CERS4: variants seen among roughly 807,000 people sequenced by gnomAD.
CERS4 encodes ceramide synthase 4.
In CERS4, 65 loss-of-function variants were observed where a neutral mutation model predicts 51.8. The observed-to-expected ratio is 1.26, with a 90% CI of 1.03 to 1.54. The LOEUF is 1.54. Among genes scored for constraint, CERS4 ranks in the 40% most tolerant of loss-of-function variants. The pLI is 0.00. For synonymous variants in CERS4, 228 were observed against 208.4 expected, an observed-to-expected ratio of 1.09 and a Z score of -0.81; for missense variants, 563 against 500.4, an observed-to-expected ratio of 1.13 and a Z score of -1.19.
chr19:8,239,144 G>C (rs975599264), intron 2 of CERS4, among the ~76,000 whole-genome samples: 2 of 151,880 alleles, frequency 1.3e-5, no homozygotes, highest in Non-Finnish European at 2.9e-5. Context: ...GCTCACACCT[G>C]TAATCCCAGC....
chr19:8,244,923 T>TC (rs1968691693), intron 2 of CERS4, among the ~76,000 whole-genome samples: 1 of 151,884 alleles, frequency 6.6e-6, no homozygotes, highest in South Asian at 2.1e-4. Context: ...GACAGGTGGA[T>TC]CACGAGGTCA....
At chr19:8,234,026 G>T (rs1968128914) in intron 2 of CERS4, among the ~76,000 whole-genome samples, 1 of 151,364 alleles carries the variant, frequency 6.6e-6, no homozygotes, top group Admixed American at 6.6e-5. Flanking sequence ...AAGAGAGTCG[G>T]CTGGGCGTGG....
rs554942304 is a variant in CERS4, at chr19:8,244,525, C to T, written c.-1-6551C>T. Among the ~76,000 whole-genome samples, 9 of 152,248 alleles carry T rather than the reference C, an allele frequency of 5.9e-5. 1 individual carries two copies. The highest frequency in any genetic ancestry group is 2.2e-4 in the African/African-American group (9 of 41,550). On this transcript the variant is annotated intron_variant, in intron 2 of 11. Coordinates refer to ENST00000251363, the MANE Select transcript of CERS4 (RefSeq NM_024552.3). ...CTCCCAACCCTTCTCTTTTCTGGCT[C>T]CACTTTGGAAAGCATTTGGCTCTTG...
At chr19:8,246,627 C>T (rs1467190359) in intron 2 of CERS4, among the ~76,000 whole-genome samples, 1 of 151,918 alleles carries the variant, frequency 6.6e-6, no homozygotes, top group Admixed American at 6.6e-5. Flanking sequence ...AATATTGAAC[C>T]CTAGTTAATG....
In CERS4 at chr19:8,255,860, G is replaced by A. The variant is rs765031338; in HGVS notation, c.449G>A (p.Gly150Asp). Reference protein sequence around the residue: ...FLFYLSSFVGGLSVLYHESWL... With the variant: ...FLFYLSSFVGDLSVLYHESWL... ...TTCTACCTGTCCTCCTTCGTGGGCG[G>A]CCTCTCGGTCCTGTACCACGTGAGT... Residue 150 changes from glycine to aspartate, a missense_variant, in exon 6 of 12, where the codon GGC becomes GAC. Physicochemically the swap from Gly to Asp is moderately conservative, Grantham distance 94. Coordinates refer to ENST00000251363, the MANE Select transcript of CERS4 (RefSeq NM_024552.3). 1 of 1,613,932 alleles carries A rather than the reference G, an allele frequency of 6.2e-7. No individual in the cohort carries two copies. Among genetic ancestry groups the A allele is most frequent in the East Asian group, 2.2e-5 (1 of 44,884 alleles).
At chr19:8,235,012 T>C (rs1228198398) in intron 2 of CERS4, among the ~76,000 whole-genome samples, 2 of 112,976 alleles carry the variant, frequency 1.8e-5, no homozygotes, top group African/African-American at 9.5e-5. Flanking sequence ...TCTTTCTTTC[T>C]TTTTTTTTTT....
chr19:8,247,086 A>G (rs1427669035), intron 2 of CERS4, among the ~76,000 whole-genome samples: 1 of 152,196 alleles, frequency 6.6e-6, no homozygotes, highest in East Asian at 1.9e-4. Flanking sequence ...GAATTGCTTG[A>G]ACCCTCAAGG....
chr19:8,210,175 A>G lies in CERS4; in HGVS notation c.-158-531A>G, dbSNP rs1382673305. On this transcript the variant is annotated intron_variant, in intron 1 of 11. Transcript: ENST00000251363. This position sits in a 1 kb window ranked among gnomAD's most constrained non-coding sequence, Gnocchi z 4.2. Reference sequence around the variant, plus strand: ...GTTCTCGGGGCGGTGGGGACCAGGGAGGCTTGGAACAGCAGGTGCATGGCG... The same window carrying G: ...GTTCTCGGGGCGGTGGGGACCAGGGGGGCTTGGAACAGCAGGTGCATGGCG... 6.6e-6 allele frequency among the ~76,000 whole-genome samples: 1 copy of G among 151,974 alleles called. No homozygotes were observed. The highest frequency in any genetic ancestry group is 1.5e-5 in the Non-Finnish European group (1 of 67,976).
chr19:8,230,921 C>T (rs1339425870), intron 2 of CERS4, among the ~76,000 whole-genome samples: 1 of 152,150 alleles, frequency 6.6e-6, no homozygotes, highest in Admixed American at 6.6e-5. Flanking sequence ...CTCACTGCAG[C>T]CTCAACCTCT....
intron 6 of CERS4, 168 bp downstream of exon 6, chr19:8,256,047 T>G: frequency 1.1e-6 from 1 of 942,058 alleles, no homozygotes; most frequent in Non-Finnish European, 1.6e-6. Flanking sequence ...GTATTTGGAT[T>G]TACTATGCAC....
chr19:8,249,176 T>C (rs1218033440), intron 2 of CERS4, among the ~76,000 whole-genome samples: 2 of 136,728 alleles, frequency 1.5e-5, no homozygotes, highest in Admixed American at 6.9e-5. Context: ...GATGGGTGGG[T>C]GGACAGATGT....
intron 2 of CERS4, among the ~76,000 whole-genome samples, chr19:8,230,214 G>A (rs62126393): frequency 0.047 from 6,919 of 148,282 alleles, 163 homozygotes; most frequent in South Asian, 0.058. Flanking sequence ...TTTTTGAGAC[G>A]GAGTCTCGCC....
Position 8,262,143 on chromosome 19 carries a change from C to A in CERS4, c.*34C>A, listed in dbSNP as rs76848957. The stretch of plus-strand genomic sequence containing the variant: ...GGCTGGCTGTAAGGGGTTGCCCCCC[C>A]GCCAGTGCCTTGGATATTTCTGGGG... On this transcript the variant is annotated 3_prime_UTR_variant, in exon 12 of 12. Coordinates refer to ENST00000251363, the MANE Select transcript of CERS4 (RefSeq NM_024552.3). 14 of 1,428,704 alleles carry A rather than the reference C, an allele frequency of 9.8e-6. No individual in the cohort carries two copies. Among genetic ancestry groups the A allele is most frequent in the South Asian group, 9.2e-5 (6 of 65,396 alleles). 88.5% of individuals were successfully genotyped at this position (1,428,704 alleles called of 1,614,324 possible).
At chr19:8,219,815 G>A (rs1341279171) in intron 2 of CERS4, among the ~76,000 whole-genome samples, 1 of 148,198 alleles carries the variant, frequency 6.7e-6, no homozygotes, top group African/African-American at 2.5e-5. Context: ...GCGAAACTCT[G>A]TTTCAAAAAA....
At position 8,262,222 on chromosome 19, in the gene CERS4, C is replaced by T. The variant is rs917944630; in HGVS notation, c.*113C>T. 16 of 1,200,516 alleles carry T rather than the reference C, an allele frequency of 1.3e-5. No individual in the cohort carries two copies. Among genetic ancestry groups the T allele is most frequent in the African/African-American group, 3.1e-5 (2 of 64,442 alleles). 74.4% of individuals were successfully genotyped at this position (1,200,516 alleles called of 1,614,324 possible). A position where few individuals can be genotyped will look rare whatever the true frequency, so the allele number is the denominator to read the frequency against. On this transcript the variant is annotated 3_prime_UTR_variant, in exon 12 of 12. Transcript: ENST00000251363. ...TTCTGGAGACAGGGAGGGCCCCACC[C>T]GGGGTGGGTGGGAAGGCTGATGATC...
Position 8,262,041 on chromosome 19 carries a change from GC to G in CERS4, c.1122del (p.Thr375LeufsTer12), listed in dbSNP as rs1862311480. 6.4e-7 allele frequency: 1 copy of G among 1,554,114 alleles called. No individual in the cohort carries two copies. The highest frequency in any genetic ancestry group is 8.7e-7 in the Non-Finnish European group (1 of 1,154,192). On this transcript the variant is annotated frameshift_variant, in exon 12 of 12. Coordinates refer to ENST00000251363, the MANE Select transcript of CERS4 (RefSeq NM_024552.3). LOFTEE classifies it low-confidence loss of function (END_TRUNC). ...CGGGGCAGCTGGAGGGCCCAGGCCA[GC>G]CCCCACTGATGGCCCTCGGAGCCGG... ...KNGAAGGPRP[A>X]PTDGPRSRVA...
In CERS4 at chr19:8,247,735, T is replaced by C. The variant is rs1262176721; in HGVS notation, c.-1-3341T>C. Among the ~76,000 whole-genome samples the C allele has an allele frequency of 2.0e-3, 298 of 146,434 alleles. 1 individual carries two copies. Among genetic ancestry groups the C allele is most frequent in the Non-Finnish European group, 1.7e-3 (114 of 66,260 alleles). On this transcript the variant is annotated intron_variant, in intron 2 of 11. Coordinates refer to ENST00000251363, the MANE Select transcript of CERS4 (RefSeq NM_024552.3). ...TTGCCTGGCCTGACCTCCGCATCTT[T>C]TTTTTTTTTTTTTTTTAAGATGGAG... is the stretch of plus-strand genomic sequence containing the variant.
intron 2 of CERS4, chr19:8,250,691 G>C (rs923427339): frequency 8.7e-6 from 3 of 343,928 alleles, no homozygotes; most frequent in East Asian, 1.6e-4. Context: ...TCCTGGCCTC[G>C]TGATCCACCC....
At chr19:8,237,897 C>T (rs916286998) in intron 2 of CERS4, among the ~76,000 whole-genome samples, 1 of 152,182 alleles carries the variant, frequency 6.6e-6, no homozygotes, top group Non-Finnish European at 1.5e-5. Context: ...TAAACACGTA[C>T]AGCTTCTTGC....
Sources: allele counts gnomAD v4.1 joint callset (sites outside exome capture counted in the v4.1 genomes callset), GRCh38; gene constraint gnomAD v4.1.1; non-coding constraint Gnocchi (gnomAD v3.1); transcripts MANE v1.5; gene names NCBI Gene and HGNC (gene_info 2026-07-23, HGNC 2026-07-21).